The following GKAP1 variants were observed in gnomAD, a reference collection of about 807,000 sequenced individuals.
GKAP1 encodes the protein G kinase anchoring protein 1, also known as G kinase-anchoring protein 1.
Under a neutral mutation model 56.7 loss-of-function variants are expected in GKAP1, and 31 were observed. The ratio of observed to expected loss-of-function variants is 0.55; its 90% CI spans 0.41 to 0.74. GKAP1 has a LOEUF of 0.74. GKAP1 is among the 30% of genes least tolerant of loss of function. The pLI is 0.00. For missense variants in GKAP1, 364 were observed against 402.3 expected, an observed-to-expected ratio of 0.90 and a Z score of 0.82; for synonymous variants, 151 against 138.6, an observed-to-expected ratio of 1.09 and a Z score of -0.63.
chr9:83,804,661 G>T (rs963513500), intron 3 of GKAP1, among the ~76,000 whole-genome samples: 1 of 145,978 alleles, frequency 6.9e-6, no homozygotes, highest in African/African-American at 2.5e-5. Context: ...CGCCCCGTCC[G>T]GGAGGGAGGT....
intron 3 of GKAP1, 33 bp from the exon 4 acceptor site, chr9:83,799,361 GT>G: frequency 6.8e-7 from 1 of 1,466,380 alleles, no homozygotes; most frequent in East Asian, 2.4e-5. Flanking sequence ...ATTAAATTCA[GT>G]TTACCAATCC....
chr9:83,774,704 T>C (rs1416323854), intron 7 of GKAP1, among the ~76,000 whole-genome samples: 1 of 118,772 alleles, frequency 8.4e-6, no homozygotes, highest in Non-Finnish European at 1.8e-5. Flanking sequence ...GAAACCCCCT[T>C]TTTTTTTTTT....
At chr9:83,768,676 C>G (rs1943704659) in intron 8 of GKAP1, 142 bp downstream of exon 8, 1 of 694,116 alleles carries the variant, frequency 1.4e-6, no homozygotes, top group Non-Finnish European at 2.4e-6. Flanking sequence ...ATATAAATAC[C>G]TTTGCGTGAT....
chr9:83,794,829 A>T (rs931407142), intron 4 of GKAP1, among the ~76,000 whole-genome samples: 10 of 152,182 alleles, frequency 6.6e-5, no homozygotes, highest in African/African-American at 2.4e-4. Flanking sequence ...GGTGAACAAT[A>T]TGTTTCTTGA....
intron 12 of GKAP1, 24 bp downstream of exon 12, chr9:83,741,928 C>G: frequency 7.2e-7 from 1 of 1,388,728 alleles, no homozygotes. Flanking sequence ...GTGATAAAAA[C>G]ACTTATAAAT....
chr9:83,739,630 A>T lies in GKAP1; in HGVS notation c.*67T>A. 1 of 1,299,692 alleles carries T rather than the reference A, an allele frequency of 7.7e-7. No individual in the cohort carries two copies. Among genetic ancestry groups the T allele is most frequent in the Non-Finnish European group, 1.1e-6 (1 of 923,680 alleles). The allele number at this position is 1,299,692 out of a possible 1,614,324, so 80.5% of individuals were successfully genotyped here. On this transcript the variant is annotated 3_prime_UTR_variant, in exon 13 of 13. Transcript: ENST00000376371. Reference sequence around the variant, plus strand: ...CATAGTTTAGCAGTTGCACAGCATTAAATATATACAACTTTGCAAAATCCT... The same window carrying T: ...CATAGTTTAGCAGTTGCACAGCATTTAATATATACAACTTTGCAAAATCCT...
In GKAP1 at chr9:83,803,162, A is replaced by G. The variant is rs1308905837; in HGVS notation, c.216+3140T>C. 3.9e-5 allele frequency among the ~76,000 whole-genome samples: 6 copies of G among 152,308 alleles called. 1 individual carries two copies. In the East Asian group the frequency reaches 1.2e-3, roughly 29 times the overall value. On this transcript the variant is annotated intron_variant, in intron 3 of 12. Coordinates refer to ENST00000376371, the MANE Select transcript of GKAP1 (RefSeq NM_025211.4). ...ATTTTTGCCTATAACAGTAAAAAAT[A>G]GGAAACAACCCAAATGCTTATCATG...
chr9:83,792,345 G>A (rs1405635545), intron 4 of GKAP1, among the ~76,000 whole-genome samples: 2 of 152,092 alleles, frequency 1.3e-5, no homozygotes, highest in Non-Finnish European at 2.9e-5. Context: ...TAAGGCTATA[G>A]GGCAGAAAAA....
intron 4 of GKAP1, among the ~76,000 whole-genome samples, chr9:83,797,437 G>A (rs538502500): frequency 7.2e-5 from 11 of 152,316 alleles, no homozygotes; most frequent in African/African-American, 2.4e-4. Context: ...TAATAAGATA[G>A]ATTCCAGACA....
intron 10 of GKAP1, among the ~76,000 whole-genome samples, chr9:83,747,138 GC>G (rs757129598): frequency 6.6e-6 from 1 of 152,036 alleles, no homozygotes; most frequent in Non-Finnish European, 1.5e-5. Flanking sequence ...AATTTCCTTT[GC>G]CTAAGTCTCA....
rs550864627 is a variant in GKAP1 at position 83,801,264 on chromosome 9, G to T, written c.217-1936C>A. On this transcript the variant is annotated intron_variant, in intron 3 of 12. Coordinates refer to ENST00000376371, the MANE Select transcript of GKAP1 (RefSeq NM_025211.4). ...ATTGACAGCTGCCACCCAGAAGCTA[G>T]AAGAGGCATGGAAAGATTCTACTCA... Among the ~76,000 whole-genome samples, 26 of 152,282 alleles carry T rather than the reference G, an allele frequency of 1.7e-4. No individual in the cohort carries two copies. In the East Asian group the frequency reaches 5.0e-3, roughly 29 times the overall value.
chr9:83,764,230 G>A (rs781078872), intron 8 of GKAP1, among the ~76,000 whole-genome samples: 2 of 152,184 alleles, frequency 1.3e-5, no homozygotes, highest in Non-Finnish European at 2.9e-5. Context: ...ATCCCCAAGT[G>A]TCAAGGTGAA....
chr9:83,770,720 C>T (rs1943743747), intron 7 of GKAP1, among the ~76,000 whole-genome samples: 1 of 152,098 alleles, frequency 6.6e-6, no homozygotes, highest in African/African-American at 2.4e-5. Flanking sequence ...TGCCACCACG[C>T]CCAGGTAATT....
chr9:83,742,651 T>C lies in GKAP1; in HGVS notation c.905-51A>G, dbSNP rs375806620. ...ATAGATTTTCCAGTCACCCAAATAC[T>C]TCAACAATACTTCAGGGAACTAAGA... On this transcript the variant is annotated intron_variant, in intron 10 of 12. Coordinates refer to ENST00000376371, the MANE Select transcript of GKAP1 (RefSeq NM_025211.4). 33 of 1,141,256 alleles carry C rather than the reference T, an allele frequency of 2.9e-5. No homozygotes were observed. In the African/African-American group the frequency reaches 3.7e-4, roughly 13 times the overall value. 70.7% of individuals were successfully genotyped at this position (1,141,256 alleles called of 1,614,324 possible). A position where few individuals can be genotyped will look rare whatever the true frequency, so the allele number is the denominator to read the frequency against.
At chr9:83,754,385 C>T (rs1278326408) in intron 8 of GKAP1, among the ~76,000 whole-genome samples, 2 of 152,178 alleles carry the variant, frequency 1.3e-5, no homozygotes, top group East Asian at 1.9e-4. Context: ...AGTAATGTGG[C>T]AACATCAATG....
chr9:83,794,162 C>T (rs1944206761), intron 4 of GKAP1, among the ~76,000 whole-genome samples: 1 of 151,992 alleles, frequency 6.6e-6, no homozygotes. Flanking sequence ...AGTAAGACCC[C>T]ATCTCAAAAA....
At chr9:83,740,469 C>A (rs1006728737) in intron 12 of GKAP1, among the ~76,000 whole-genome samples, 3 of 152,010 alleles carry the variant, frequency 2.0e-5, no homozygotes, top group Non-Finnish European at 4.4e-5. Context: ...AAATTAAAAT[C>A]ATCAATAGCT....
chr9:83,809,179 A>G (rs1944476219), intron 2 of GKAP1, among the ~76,000 whole-genome samples: 2 of 152,226 alleles, frequency 1.3e-5, no homozygotes, highest in Admixed American at 1.3e-4. Context: ...ATGTTCATAA[A>G]TGTCTATTCT....
At chr9:83,808,230 A>C (rs1944464950) in intron 2 of GKAP1, among the ~76,000 whole-genome samples, 1 of 152,262 alleles carries the variant, frequency 6.6e-6, no homozygotes, top group Non-Finnish European at 1.5e-5. Flanking sequence ...AAAATGTTTC[A>C]AAATGGAAAA....
Sources: gnomAD v4.1 joint callset for allele counts (sites outside exome capture counted in the v4.1 genomes callset) on GRCh38, gnomAD v4.1.1 for gene constraint, MANE v1.5 for transcripts, NCBI Gene and HGNC (gene_info 2026-07-23, HGNC 2026-07-21) for gene names.